The following DPH6 variants were observed in gnomAD, a reference collection of about 807,000 sequenced individuals.
DPH6 encodes the protein diphthine--ammonia ligase.
Under a neutral mutation model 38.2 loss-of-function variants are expected in DPH6, and 33 were observed. The ratio of observed to expected loss-of-function variants is 0.86; its 90% CI spans 0.65 to 1.15. The LOEUF (loss-of-function observed/expected upper bound fraction) is 1.15, where lower values mean the gene tolerates loss of function less well. Among genes scored for constraint, DPH6 ranks in the 50% most tolerant of loss-of-function variants. DPH6 has a pLI of 0.00. For synonymous variants in DPH6, 108 were observed against 103.0 expected, an observed-to-expected ratio of 1.05 and a Z score of -0.30; for missense variants, 325 against 320.0, an observed-to-expected ratio of 1.02 and a Z score of -0.12.
the DPH6 span, among the ~76,000 whole-genome samples, chr15:35,151,017 C>A: frequency 6.6e-6 from 1 of 152,044 alleles, no homozygotes; most frequent in Non-Finnish European, 1.5e-5. Context: ...TCCTGCTTCA[C>A]CAACCCCGCG....
chr15:35,246,449 C>A (rs571356218), intron 3 of DPH6, among the ~76,000 whole-genome samples: 1 of 152,140 alleles, frequency 6.6e-6, no homozygotes, highest in Non-Finnish European at 1.5e-5. Context: ...TCCCCATCTC[C>A]CCATTTCCTT....
At chr15:35,276,140 C>T (rs1002575778) in intron 3 of DPH6, among the ~76,000 whole-genome samples, 15 of 151,146 alleles carry the variant, frequency 9.9e-5, no homozygotes, top group South Asian at 2.1e-4. Context: ...TATGTCCATT[C>T]TTGTAGGACT....
At chr15:35,204,149 T>A in the DPH6 span, among the ~76,000 whole-genome samples, 1 of 151,804 alleles carries the variant, frequency 6.6e-6, no homozygotes, top group African/African-American at 2.4e-5. Flanking sequence ...GACAGGCTGC[T>A]TTTGTTAAAG....
At chr15:35,227,956 C>A (rs1566844208) in intron 3 of DPH6, among the ~76,000 whole-genome samples, 2 of 152,038 alleles carry the variant, frequency 1.3e-5, no homozygotes, top group African/African-American at 4.8e-5. Flanking sequence ...TTATTGACTT[C>A]TAGTTTTATT....
the DPH6 span, among the ~76,000 whole-genome samples, chr15:35,171,643 T>G: frequency 1.3e-5 from 2 of 152,094 alleles, no homozygotes; most frequent in Admixed American, 1.3e-4. Context: ...TTTAAAAATA[T>G]ATGTGGGTAT....
In DPH6 at chr15:35,346,060, A is replaced by G. The variant is rs2052459255; in HGVS notation, n.208-14983T>C. On this transcript the variant is annotated intron_variant and non_coding_transcript_variant, in intron 3 of 3. Transcript: ENST00000558973. ...TGAAACGAAAGTGCATCTCCTAGAG[A>G]ATTAAATATTCCTTGAGTGGCCCTG... is the stretch of plus-strand genomic sequence containing the variant. Among the ~76,000 whole-genome samples the G allele has an allele frequency of 2.0e-5, 3 of 152,036 alleles. No individual in the cohort carries two copies. In the South Asian group the frequency reaches 6.2e-4, roughly 31 times the overall value.
chr15:35,439,430 A>G (rs1198427374), intron 5 of DPH6, among the ~76,000 whole-genome samples: 1 of 152,162 alleles, frequency 6.6e-6, no homozygotes, highest in African/African-American at 2.4e-5. Flanking sequence ...AGCATTCTTA[A>G]CTTATGACAA....
At chr15:35,289,057 T>C (rs530017854) in intron 3 of DPH6, among the ~76,000 whole-genome samples, 1 of 152,318 alleles carries the variant, frequency 6.6e-6, no homozygotes, top group African/African-American at 2.4e-5. Context: ...CCTGTATTCA[T>C]TTCTACTTAT....
chr15:35,436,229 G>T (rs2053699342), intron 5 of DPH6, among the ~76,000 whole-genome samples: 1 of 151,956 alleles, frequency 6.6e-6, no homozygotes, highest in Admixed American at 6.5e-5. Context: ...CACTTTGGGA[G>T]GCCAAGGCAG....
rs1264340693 is a variant in DPH6, at chr15:35,492,807, G to A, written c.313-37987C>T. On this transcript the variant is annotated intron_variant, in intron 3 of 8. Transcript: ENST00000256538. Reference sequence around the variant, plus strand: ...TTGTTCAAGAACACAGAACTACTAAGTGCCATATGGCACCAGGGTCAGAAC... The same window carrying A: ...TTGTTCAAGAACACAGAACTACTAAATGCCATATGGCACCAGGGTCAGAAC... 4.6e-5 allele frequency among the ~76,000 whole-genome samples: 7 copies of A among 152,174 alleles called. No homozygotes were observed. The East Asian group carries it at 1.4e-3, about 29-fold the overall frequency.
intron 3 of DPH6, among the ~76,000 whole-genome samples, chr15:35,363,681 CTA>C (rs1179575769): frequency 4.6e-5 from 7 of 151,918 alleles, no homozygotes; most frequent in East Asian, 1.9e-4. Flanking sequence ...GCTAGTTGCT[CTA>C]TGTTTATTTT....
At chr15:35,436,563 G>A (rs2053718179) in intron 5 of DPH6, among the ~76,000 whole-genome samples, 1 of 148,118 alleles carries the variant, frequency 6.8e-6, no homozygotes. Flanking sequence ...CTGGGTGACA[G>A]AAAGAGACTC....
At chr15:35,521,516 T>A (rs934795902) in intron 3 of DPH6, 35 of 1,219,450 alleles carry the variant, frequency 2.9e-5, no homozygotes, top group Non-Finnish European at 3.3e-5. Context: ...GATAGGACTA[T>A]GAAGAGTTGT....
chr15:35,474,290 T>C (rs1474140646), intron 3 of DPH6, among the ~76,000 whole-genome samples: 1 of 152,140 alleles, frequency 6.6e-6, no homozygotes, highest in Non-Finnish European at 1.5e-5. Flanking sequence ...ATCTACATAT[T>C]ACTGCCTGAA....
Position 35,339,314 on chromosome 15 carries a change from C to CATTATTATTATT in DPH6, n.208-8249_208-8238dup, listed in dbSNP as rs550954918. On this transcript the variant is annotated intron_variant and non_coding_transcript_variant, in intron 3 of 3. Coordinates refer to the DPH6 transcript ENST00000558973. ...AACTTCTTCATTTCTGCCTTAATTT[C>CATTATTATTATT]ATTATTATTATTATTATTATTATTA... 2.3e-3 allele frequency among the ~76,000 whole-genome samples: 338 copies of CATTATTATTATT among 149,208 alleles called. 2 individuals are homozygous for CATTATTATTATT. The highest frequency in any genetic ancestry group is 8.1e-3 in the African/African-American group (326 of 40,402).
intron 5 of DPH6, among the ~76,000 whole-genome samples, chr15:35,424,060 A>G (rs535400189): frequency 2.9e-4 from 41 of 141,318 alleles, no homozygotes; most frequent in African/African-American, 1.2e-3. Flanking sequence ...TTGTGGTTCC[A>G]TATGAATTTT....
intron 3 of DPH6, among the ~76,000 whole-genome samples, chr15:35,341,135 T>C (rs1171859748): frequency 3.3e-5 from 5 of 152,154 alleles, no homozygotes; most frequent in Non-Finnish European, 7.4e-5. Flanking sequence ...GTCTTCAAAC[T>C]CTGAGATTCT....
intron 4 of DPH6, among the ~76,000 whole-genome samples, chr15:35,453,771 T>C (rs34269179): frequency 0.067 from 9,799 of 145,560 alleles, 346 homozygotes; most frequent in Non-Finnish European, 0.091. Flanking sequence ...AAATCCACCA[T>C]GGAATTAGAG....
intron 5 of DPH6, among the ~76,000 whole-genome samples, chr15:35,440,032 GT>G (rs1185631684): frequency 2.0e-5 from 3 of 152,306 alleles, no homozygotes; most frequent in African/African-American, 7.2e-5. Flanking sequence ...AGACTGATTA[GT>G]TGTTTTTTAA....
Sources: allele counts gnomAD v4.1 joint callset (sites outside exome capture counted in the v4.1 genomes callset), GRCh38; gene constraint gnomAD v4.1.1; transcripts MANE v1.5; gene names NCBI Gene and HGNC (gene_info 2026-07-23, HGNC 2026-07-21).